Variants in SLC12A3 observed in about 807,000 individuals in gnomAD.
SLC12A3 encodes solute carrier family 12 member 3, also known as Na-Cl cotransporter.
Under a neutral mutation model 121.0 loss-of-function variants are expected in SLC12A3, and 104 were observed. The ratio of observed to expected loss-of-function variants is 0.86; its 90% CI spans 0.73 to 1.01. The LOEUF is 1.01. Among genes scored for constraint, SLC12A3 ranks in the 50% least tolerant of loss-of-function variants. The probability of loss-of-function intolerance (pLI) is 0.00; values close to 1 mark genes in which losing one functional copy is unlikely to be tolerated. For missense variants in SLC12A3, 1,328 were observed against 1,356.3 expected (o/e 0.98, Z 0.33); for synonymous variants, 536 against 533.4 (o/e 1.00, Z -0.07).
intron 16 of SLC12A3, among the ~76,000 whole-genome samples, 165 bp from the exon 17 acceptor site, chr16:56,886,788 C>G (rs1271332400): frequency 6.6e-6 from 1 of 152,166 alleles, no homozygotes; most frequent in African/African-American, 2.4e-5. Context: ...CCCTTCCTCC[C>G]CACTTTCTCC....
chr16:56,892,023 G>A, intron 19 of SLC12A3, 60 bp from the exon 20 acceptor site: 1 of 1,296,204 alleles, frequency 7.7e-7, no homozygotes, highest in Non-Finnish European at 1.1e-6. Context: ...TGTCAAGGAG[G>A]AACCCACGGT....
intron 6 of SLC12A3, among the ~76,000 whole-genome samples, chr16:56,871,248 C>G (rs557235451): frequency 9.2e-5 from 14 of 152,308 alleles, no homozygotes; most frequent in South Asian, 6.2e-4. Flanking sequence ...ATCCCTGCGC[C>G]GTGGCCTTTG....
At chr16:56,870,315 C>A in intron 5 of SLC12A3, 80 bp downstream of exon 5, 1 of 1,457,496 alleles carries the variant, frequency 6.9e-7, no homozygotes, top group Non-Finnish European at 9.3e-7. Flanking sequence ...TGGGCTGGGG[C>A]CTCCTGCTGC....
At chr16:56,899,648 G>C in intron 23 of SLC12A3, 32 bp downstream of exon 23, 1 of 1,506,308 alleles carries the variant, frequency 6.6e-7, no homozygotes, top group Non-Finnish European at 9.2e-7. Context: ...CCAGGCAGAA[G>C]GGCCAACTGT....
intron 3 of SLC12A3, 30 bp from the exon 4 acceptor site, chr16:56,869,699 C>T: frequency 1.9e-6 from 3 of 1,594,666 alleles, no homozygotes; most frequent in East Asian, 2.2e-5. Flanking sequence ...TTGGGAAATG[C>T]CCTGCCTAAG....
In SLC12A3 at chr16:56,870,165, C is replaced by T. The variant is rs1437937060; in HGVS notation, c.671C>T (p.Ala224Val). Residue 224 changes from alanine to valine, a missense_variant, in exon 5 of 26, where the codon GCT becomes GTT. Transcript: ENST00000563236. ...GGGGGCTCCATCGGCCTCATTTTCG[C>T]TTTCGCCAATGCCGTGGGTGTGGCC... ...ELGGSIGLIF[A>V]FANAVGVAMH... is the part of the protein sequence containing the mutation. 6.2e-7 allele frequency: 1 copy of T among 1,614,108 alleles called. No homozygotes were observed. The highest frequency in any genetic ancestry group is 8.5e-7 in the Non-Finnish European group (1 of 1,180,046).
chr16:56,900,838 T>C (rs2055528633), intron 23 of SLC12A3, among the ~76,000 whole-genome samples: 1 of 152,162 alleles, frequency 6.6e-6, no homozygotes, highest in African/African-American at 2.4e-5. Flanking sequence ...GCCTAGCATC[T>C]TATTTTAAAA....
intron 25 of SLC12A3, among the ~76,000 whole-genome samples, chr16:56,912,892 T>C (rs711746): frequency 0.61 from 92,491 of 151,786 alleles, 29,201 homozygotes; most frequent in African/African-American, 0.78. Context: ...GCTCCTTTCC[T>C]GGTGGGTGGG....
chr16:56,902,531 G>GGTCCC, intron 24 of SLC12A3, 23 bp downstream of exon 24: 10 of 714,468 alleles, frequency 1.4e-5, no homozygotes, highest in Non-Finnish European at 2.2e-5. Context: ...GTGGGGGTGG[G>GGTCCC]AAACGCGACA....
intron 25 of SLC12A3, among the ~76,000 whole-genome samples, chr16:56,905,044 A>G (rs779751594): frequency 1.4e-4 from 22 of 152,282 alleles, no homozygotes; most frequent in Non-Finnish European, 2.9e-4. Flanking sequence ...GAGGCCTGTA[A>G]GAAGAACATG....
rs751929135 is a variant in SLC12A3, at chr16:56,894,564, G to T, written c.2555G>T (p.Arg852Leu). ...CTCCTCATTCCCTATCTCCTTGGCC[G>T]CAAGAGGAGGTGGAGCAAATGCAAG... The part of the protein sequence containing the change: ...LTLLIPYLLG[R>L]KRRWSKCKIR... The change falls in exon 22 of 26, where the codon CGC (arginine) becomes CTC (leucine). Residue 852 changes from arginine (R) to leucine (L), a missense_variant. Arg to Leu is a moderately radical substitution (Grantham distance 102). Coordinates refer to ENST00000563236, the MANE Select transcript of SLC12A3 (RefSeq NM_001126108.2). 1 of 1,613,944 alleles carries T rather than the reference G, an allele frequency of 6.2e-7. No homozygotes were observed. Among genetic ancestry groups the T allele is most frequent in the Non-Finnish European group, 8.5e-7 (1 of 1,179,904 alleles).
chr16:56,882,202 C>T (rs1425104597), intron 12 of SLC12A3, among the ~76,000 whole-genome samples, 194 bp from the exon 13 acceptor site: 3 of 152,180 alleles, frequency 2.0e-5, no homozygotes, highest in Non-Finnish European at 4.4e-5. Context: ...TTACAAGACA[C>T]CATCCCTTTG....
At chr16:56,878,470 T>G (rs1398537857) in intron 9 of SLC12A3, among the ~76,000 whole-genome samples, 3 of 152,000 alleles carry the variant, frequency 2.0e-5, no homozygotes, top group African/African-American at 7.2e-5. Flanking sequence ...GGAGTGATGA[T>G]GATGATGATG....
rs1451284628 is a variant in SLC12A3 at position 56,882,464 on chromosome 16, A to G, written c.1636A>G (p.Ser546Gly). 6.2e-6 allele frequency: 10 copies of G among 1,614,030 alleles called. No individual in the cohort carries two copies. Among genetic ancestry groups the G allele is most frequent in the Non-Finnish European group, 4.2e-6 (5 of 1,179,982 alleles). The part of the protein sequence containing the change: ...FLCSYALINF[S>G]CFHASITNSP... Reference sequence around the variant, plus strand: ...CTGCTCCTATGCCCTCATCAACTTCAGCTGCTTCCACGCCTCCATCACCAA... The same window carrying G: ...CTGCTCCTATGCCCTCATCAACTTCGGCTGCTTCCACGCCTCCATCACCAA... Residue 546 changes from serine (S) to glycine (G), a missense_variant, in exon 13 of 26, where the codon AGC (serine) becomes GGC (glycine). Physicochemically the swap from Ser to Gly is moderately conservative, Grantham distance 56 (BLOSUM62 0). Coordinates refer to ENST00000563236, the MANE Select transcript of SLC12A3 (RefSeq NM_001126108.2).
chr16:56,908,149 A>T (rs2055632573), intron 25 of SLC12A3, among the ~76,000 whole-genome samples: 1 of 126,116 alleles, frequency 7.9e-6, no homozygotes, highest in Non-Finnish European at 1.7e-5. Context: ...CATTTCTCAG[A>T]TAGTGATATA....
At position 56,887,136 on chromosome 16, in the gene SLC12A3, T is replaced by C. The variant is rs1486570499; in HGVS notation, c.2178+43T>C. 6.8e-6 allele frequency: 11 copies of C among 1,612,744 alleles called. No homozygotes were observed. The African/African-American group carries it at 1.3e-4, about 20-fold the overall frequency. ...CTCCCCTACAGGACTTACGGCTTGGTGGCACAACCTGGAAGGCAGAAAGTC... is the reference window on the plus strand; with the variant it reads ...CTCCCCTACAGGACTTACGGCTTGGCGGCACAACCTGGAAGGCAGAAAGTC... On this transcript the variant is annotated intron_variant, in intron 17 of 25. Transcript: ENST00000563236.
intron 24 of SLC12A3, 23 bp downstream of exon 24, chr16:56,902,531 G>GGGGGCCC: frequency 2.8e-5 from 20 of 714,198 alleles, no homozygotes; most frequent in East Asian, 4.1e-5. Flanking sequence ...GTGGGGGTGG[G>GGGGGCCC]AAACGCGACA....
In SLC12A3 at chr16:56,865,323, G is replaced by C; in HGVS notation, c.88G>C (p.Glu30Gln). The C allele has an allele frequency of 6.2e-7, 1 of 1,614,036 alleles. No individual in the cohort carries two copies. The highest frequency in any genetic ancestry group is 1.1e-5 in the South Asian group (1 of 91,090). The change falls in exon 1 of 26, where the codon GAG becomes CAG. Residue 30 changes from glutamate (E) to glutamine (Q), a missense_variant. Physicochemically the swap from Glu to Gln is conservative, Grantham distance 29. Coordinates refer to ENST00000563236, the MANE Select transcript of SLC12A3 (RefSeq NM_001126108.2). Reference protein sequence around the residue: ...FTISTLLSSDEPSPPAAYDSS... With the variant: ...FTISTLLSSDQPSPPAAYDSS... The stretch of plus-strand genomic sequence containing the variant: ...CATCAGCACACTGCTGAGCAGTGAT[G>C]AGCCCTCTCCACCAGCTGCCTATGA...
intron 23 of SLC12A3, among the ~76,000 whole-genome samples, chr16:56,900,236 A>G (rs1254868098): frequency 6.6e-6 from 1 of 152,206 alleles, no homozygotes; most frequent in Admixed American, 6.5e-5. Flanking sequence ...TGATGCATAC[A>G]TTGGCTCCAA....
Sources: gnomAD v4.1 joint callset for allele counts (sites outside exome capture counted in the v4.1 genomes callset) on GRCh38, gnomAD v4.1.1 for gene constraint, MANE v1.5 for transcripts, NCBI Gene and HGNC (gene_info 2026-07-23, HGNC 2026-07-21) for gene names.